Variants in GPM6A observed in about 807,000 individuals in gnomAD.
GPM6A encodes the protein glycoprotein M6A, also known as neuronal membrane glycoprotein M6-a.
A neutral mutation model predicts 32.1 loss-of-function variants in GPM6A; 7 were observed. The observed-to-expected ratio is 0.22, with a 90% confidence interval of 0.12 to 0.41. The LOEUF is 0.41. Ranked by LOEUF, GPM6A falls within the 10% of genes least tolerant of loss-of-function variation. The pLI is 1.00. For missense variants in GPM6A, 235 were observed against 347.2 expected (o/e 0.68, Z 2.57); for synonymous variants, 130 against 123.4 (o/e 1.05, Z -0.35).
At chr4:175,716,111 C>T (rs980951768) in intron 1 of GPM6A, among the ~76,000 whole-genome samples, 7 of 152,146 alleles carry the variant, frequency 4.6e-5, no homozygotes, top group African/African-American at 1.4e-4. Flanking sequence ...TGCCCATGCC[C>T]TAGCACAATA....
At position 175,640,830 on chromosome 4, in the gene GPM6A, C is replaced by A; in HGVS notation, c.542-1G>T. On this transcript the variant is annotated splice_acceptor_variant, in intron 4 of 6. Coordinates refer to ENST00000393658, the MANE Select transcript of GPM6A (RefSeq NM_201591.3). LOFTEE classifies it high-confidence loss of function. ...TTTTCCTCTCCAATTGTCACAATTC[C>A]TACAATGTGTGGGAAATGACAGTTT... 1 of 1,583,438 alleles carries A rather than the reference C, an allele frequency of 6.3e-7. No homozygotes were observed. Among genetic ancestry groups the A allele is most frequent in the Non-Finnish European group, 8.7e-7 (1 of 1,152,696 alleles).
At chr4:175,845,041 TA>T (rs1201447104) in intron 1 of GPM6A, among the ~76,000 whole-genome samples, 1 of 152,156 alleles carries the variant, frequency 6.6e-6, no homozygotes, top group Non-Finnish European at 1.5e-5. Context: ...CTTCTTTTTC[TA>T]AAGTCAGCTA....
intron 2 of GPM6A, among the ~76,000 whole-genome samples, chr4:175,687,325 C>G (rs1032828177): frequency 1.3e-5 from 2 of 152,098 alleles, no homozygotes; most frequent in African/African-American, 4.8e-5. Context: ...ACAGCCACTC[C>G]CCATATTCCC....
At chr4:175,723,278 A>C (rs2111121127) in intron 1 of GPM6A, among the ~76,000 whole-genome samples, 1 of 152,336 alleles carries the variant, frequency 6.6e-6, no homozygotes, top group East Asian at 1.9e-4. Flanking sequence ...AGGACTAGGA[A>C]GCAAATGTCC....
chr4:175,972,636 C>T (rs1223448074), intron 1 of GPM6A, among the ~76,000 whole-genome samples: 2 of 152,170 alleles, frequency 1.3e-5, no homozygotes, highest in African/African-American at 4.8e-5. Flanking sequence ...AGAGAACATT[C>T]TTTGTTAACA....
rs188427979 is a variant in GPM6A at position 175,937,261 on chromosome 4, C to A, written c.-23+65048G>T. On this transcript the variant is annotated intron_variant, in intron 1 of 7. Transcript: ENST00000280187. ...AGGGCAAACTTTTCATTGTAGCATT[C>A]TTTGTAAATAGTAAATTAAAAGGAA... Among the ~76,000 whole-genome samples, 6 of 152,182 alleles carry A rather than the reference C, an allele frequency of 3.9e-5. No individual in the cohort carries two copies. In the East Asian group the frequency reaches 1.2e-3, roughly 29 times the overall value.
rs546600769 is a variant in GPM6A at position 175,691,399 on chromosome 4, G to C, written c.230+10176C>G. ...TTGTTACACAACTGTTTTACTAATT[G>C]TAAAAGCAATATATAAGCATTGTAA... On this transcript the variant is annotated intron_variant, in intron 2 of 6. Transcript: ENST00000393658. 9.7e-3 allele frequency among the ~76,000 whole-genome samples: 1,482 copies of C among 152,228 alleles called. 24 individuals are homozygous for C. The highest frequency in any genetic ancestry group is 0.034 in the African/African-American group (1,414 of 41,522).
chr4:175,961,982 G>A (rs1449091210), intron 1 of GPM6A: 1 of 529,168 alleles, frequency 1.9e-6, no homozygotes, highest in Non-Finnish European at 3.5e-6. Flanking sequence ...ACAGCAATAG[G>A]GCTCTTGTAT....
At chr4:175,868,849 C>A (rs954639804) in intron 1 of GPM6A, among the ~76,000 whole-genome samples, 2 of 152,146 alleles carry the variant, frequency 1.3e-5, no homozygotes, top group Admixed American at 1.3e-4. Flanking sequence ...TTTCATTCAT[C>A]CTTTTCTGTT....
chr4:175,953,257 C>G (rs750154708), intron 1 of GPM6A, among the ~76,000 whole-genome samples: 14 of 151,960 alleles, frequency 9.2e-5, no homozygotes, highest in Non-Finnish European at 1.6e-4. Flanking sequence ...AGCTGAAAAA[C>G]CTATAAATAC....
chr4:175,914,515 G>A lies in GPM6A; in HGVS notation c.-23+87794C>T, dbSNP rs1237096399. ...TTTTTGTATTTTGAGTAGAGACAGG[G>A]TTTCATCATGTTGGCCTGGCTGCTC... On this transcript the variant is annotated intron_variant, in intron 1 of 7. Transcript: ENST00000280187. Among the ~76,000 whole-genome samples the A allele has an allele frequency of 1.3e-5, 2 of 152,144 alleles. 1 individual carries two copies.
chr4:175,890,033 C>G (rs972005189), intron 1 of GPM6A, among the ~76,000 whole-genome samples: 1 of 151,972 alleles, frequency 6.6e-6, no homozygotes, highest in Non-Finnish European at 1.5e-5. Context: ...ATTGGAAATA[C>G]CAAATGGCCA....
chr4:175,710,451 C>A (rs995753204), intron 1 of GPM6A, among the ~76,000 whole-genome samples: 2 of 151,956 alleles, frequency 1.3e-5, no homozygotes, highest in African/African-American at 4.8e-5. Context: ...ACATATAAGT[C>A]GTTTTTTTCT....
At chr4:175,927,130 T>G (rs922438378) in intron 1 of GPM6A, among the ~76,000 whole-genome samples, 2 of 152,246 alleles carry the variant, frequency 1.3e-5, no homozygotes, top group African/African-American at 4.8e-5. Flanking sequence ...TTTTTACTCA[T>G]AGAGTGCACA....
intron 1 of GPM6A, among the ~76,000 whole-genome samples, chr4:175,759,752 T>G (rs1732666564): frequency 6.6e-6 from 1 of 152,216 alleles, no homozygotes; most frequent in Non-Finnish European, 1.5e-5. Context: ...TATGTATCAC[T>G]TTATAGTAAA....
Position 175,933,447 on chromosome 4 carries a change from A to T in GPM6A, c.-23+68862T>A, listed in dbSNP as rs370342929. Among the ~76,000 whole-genome samples, 74 of 152,338 alleles carry T rather than the reference A, an allele frequency of 4.9e-4. No homozygotes were observed. The South Asian group carries it at 0.012, about 24-fold the overall frequency. On this transcript the variant is annotated intron_variant, in intron 1 of 7. Coordinates refer to the GPM6A transcript ENST00000280187. ...AAAACAGTGCAGCAGTTTCTTAAAA[A>T]GTAAAACATAGACTTACCATATGAT...
At chr4:175,959,810 A>ACTATTT in intron 1 of GPM6A, among the ~76,000 whole-genome samples, 1 of 152,082 alleles carries the variant, frequency 6.6e-6, no homozygotes, top group East Asian at 1.9e-4. Flanking sequence ...ATGGTTTTAC[A>ACTATTT]AAGGGTTATA....
intron 1 of GPM6A, among the ~76,000 whole-genome samples, chr4:175,714,699 A>G (rs1327912304): frequency 6.6e-6 from 1 of 152,210 alleles, no homozygotes; most frequent in Non-Finnish European, 1.5e-5. Context: ...TTTCAGAAGA[A>G]TGGTGACATT....
At chr4:175,725,614 G>T (rs1216457577) in intron 1 of GPM6A, among the ~76,000 whole-genome samples, 5 of 152,062 alleles carry the variant, frequency 3.3e-5, no homozygotes, top group African/African-American at 9.7e-5. Flanking sequence ...GCCAAATGAG[G>T]AGTGTTATAT....
Sources: allele counts gnomAD v4.1 joint callset (sites outside exome capture counted in the v4.1 genomes callset), GRCh38; gene constraint gnomAD v4.1.1; transcripts MANE v1.5; gene names NCBI Gene and HGNC (gene_info 2026-07-23, HGNC 2026-07-21).